Variants in CNTN2 observed in about 807,000 individuals in gnomAD.
The protein encoded by CNTN2 is contactin-2.
CNTN2 carries 53 observed loss-of-function variants against 117.5 expected under a neutral mutation model. That is an observed-to-expected ratio of 0.45 (90% CI 0.36 to 0.57). CNTN2 has a LOEUF of 0.57. Among genes scored for constraint, CNTN2 ranks in the 20% least tolerant of loss-of-function variants. CNTN2 has a pLI of 0.00. For missense variants in CNTN2, 1,106 were observed against 1,404.3 expected (o/e 0.79, Z 3.39); for synonymous variants, 530 against 561.7 (o/e 0.94, Z 0.80).
At chr1:205,066,847 A>G (rs1039816958) in intron 15 of CNTN2, among the ~76,000 whole-genome samples, 5 of 152,294 alleles carry the variant, frequency 3.3e-5, no homozygotes, top group Middle Eastern at 3.4e-3. Context: ...AAGAATTGGT[A>G]GGATTGTTAC....
chr1:205,053,326 G>T, intron 2 of CNTN2, 71 bp downstream of exon 2: 3 of 1,296,714 alleles, frequency 2.3e-6, no homozygotes, highest in Non-Finnish European at 2.1e-6. Context: ...CTATGATTTG[G>T]GTGACGATTA....
Position 205,058,099 on chromosome 1 carries a change from G to A in CNTN2, c.215+34G>A. ...TCTGCAGTGGGTGCTGGGAGGCCCTGGGCAGCCGTTGAACTTTCCCTCTCA... is the reference window on the plus strand; with the variant it reads ...TCTGCAGTGGGTGCTGGGAGGCCCTAGGCAGCCGTTGAACTTTCCCTCTCA... On this transcript the variant is annotated intron_variant, in intron 3 of 22. Coordinates refer to ENST00000331830, the MANE Select transcript of CNTN2 (RefSeq NM_005076.5). This position sits in a 1 kb window ranked among gnomAD's most constrained non-coding sequence, Gnocchi z 4.3. The A allele has an allele frequency of 6.2e-7, 1 of 1,607,686 alleles. No individual in the cohort carries two copies. Among genetic ancestry groups the A allele is most frequent in the South Asian group, 1.1e-5 (1 of 90,320 alleles).
rs376996860 is a variant in CNTN2 at position 205,062,435 on chromosome 1, C to T, written c.1111-5C>T. On this transcript the variant is annotated splice_polypyrimidine_tract_variant and splice_region_variant and intron_variant, in intron 9 of 22. Coordinates refer to ENST00000331830, the MANE Select transcript of CNTN2 (RefSeq NM_005076.5). The stretch of plus-strand genomic sequence containing the variant: ...TCCCCCTGGGCTCTGGGCTCTTCTG[C>T]ACAGAACCGGGTGGAGGTGTTGGCT... 5 of 1,611,066 alleles carry T rather than the reference C, an allele frequency of 3.1e-6. No individual in the cohort carries two copies. The Admixed American group carries it at 6.7e-5, about 22-fold the overall frequency.
intron 19 of CNTN2, among the ~76,000 whole-genome samples, 154 bp from the exon 20 acceptor site, chr1:205,071,793 G>A (rs1225067206): frequency 6.6e-6 from 1 of 152,176 alleles, no homozygotes; most frequent in Non-Finnish European, 1.5e-5. Flanking sequence ...TGGCCCTGCT[G>A]TCTGGGTGCT....
At position 205,073,377 on chromosome 1, in the gene CNTN2, A is replaced by T; in HGVS notation, c.3013+141A>T. On this transcript the variant is annotated intron_variant, in intron 22 of 22. Transcript: ENST00000331830. The surrounding 1 kb of genome is among the most constrained non-coding windows in gnomAD (Gnocchi z 6.3). ...GGCAGGCAGGAACCAAGTGCAAAGT[A>T]GTCTTAGAACTGCCTCGCCGCCACC... 1 of 1,075,014 alleles carries T rather than the reference A, an allele frequency of 9.3e-7. No individual in the cohort carries two copies. The highest frequency in any genetic ancestry group is 1.3e-6 in the Non-Finnish European group (1 of 751,942). 66.6% of individuals were successfully genotyped at this position (1,075,014 alleles called of 1,614,324 possible).
At chr1:205,070,289 C>T (rs913571982) in intron 18 of CNTN2, 137 bp from the exon 19 acceptor site, 1 of 715,160 alleles carries the variant, frequency 1.4e-6, no homozygotes, top group Non-Finnish European at 2.3e-6. Flanking sequence ...TGGAGCATTG[C>T]TTGGGGGGCT....
At chr1:205,053,283 C>G in intron 2 of CNTN2, 28 bp downstream of exon 2, 1 of 1,587,714 alleles carries the variant, frequency 6.3e-7, no homozygotes, top group Non-Finnish European at 8.6e-7. Flanking sequence ...GGCTTTGAAG[C>G]CTAGCAGGCA....
At chr1:205,062,086 C>A (rs745910523) in intron 9 of CNTN2, 85 bp downstream of exon 9, 2 of 1,504,976 alleles carry the variant, frequency 1.3e-6, no homozygotes, top group Non-Finnish European at 9.0e-7. Flanking sequence ...TTCCCCTGCA[C>A]CACTAGTAGC....
In CNTN2 at chr1:205,065,032, C is replaced by A. The variant is rs779014419; in HGVS notation, c.1520-55C>A. ...AGCCTCTCAGCCTGCCCTGCGGACC[C>A]GGCCTGGGCCCATTTCCTCCCCCAT... On this transcript the variant is annotated intron_variant, in intron 12 of 22. Transcript: ENST00000331830. This position sits in a 1 kb window ranked among gnomAD's most constrained non-coding sequence, Gnocchi z 4.1. 1 of 1,583,394 alleles carries A rather than the reference C, an allele frequency of 6.3e-7. No individual in the cohort carries two copies. The highest frequency in any genetic ancestry group is 8.6e-7 in the Non-Finnish European group (1 of 1,158,848).
In CNTN2 at chr1:205,061,190, C is replaced by A; in HGVS notation, c.798-55C>A. ...GTCTGGGTATGAGGAGCTGCGGGCA[C>A]TGGAGGGGTAGGCCCAGCTCAGCCC... On this transcript the variant is annotated intron_variant, in intron 7 of 22. Transcript: ENST00000331830. The surrounding 1 kb of genome is among the most constrained non-coding windows in gnomAD (Gnocchi z 4.8). 2 of 1,540,256 alleles carry A rather than the reference C, an allele frequency of 1.3e-6. No individual in the cohort carries two copies. The highest frequency in any genetic ancestry group is 1.2e-5 in the South Asian group (1 of 81,716).
At position 205,077,361 on chromosome 1, in the gene CNTN2, G is replaced by C. The variant is rs1237596331; in HGVS notation, c.*3596G>C. 4 of 152,268 alleles carry C rather than the reference G, an allele frequency of 2.6e-5. No individual in the cohort carries two copies. Among genetic ancestry groups the C allele is most frequent in the African/African-American group, 4.8e-5 (2 of 41,476 alleles). 9.4% of individuals were successfully genotyped at this position (152,268 alleles called of 1,614,324 possible). On this transcript the variant is annotated 3_prime_UTR_variant, in exon 23 of 23. Transcript: ENST00000331830. ...TCCCTTAATCTCTTCCCCAGCTACA[G>C]AGGAATCTTTTCTCTGCCTGGTCTC...
At chr1:205,066,861 A>C (rs1654319091) in intron 15 of CNTN2, among the ~76,000 whole-genome samples, 1 of 152,178 alleles carries the variant, frequency 6.6e-6, no homozygotes, top group Admixed American at 6.5e-5. Flanking sequence ...TTGTTACTGG[A>C]GCAATGAAAA....
chr1:205,052,446 G>T (rs1305542224), intron 1 of CNTN2, among the ~76,000 whole-genome samples: 2 of 152,224 alleles, frequency 1.3e-5, no homozygotes, highest in Non-Finnish European at 2.9e-5. Flanking sequence ...CAAGAGGGAG[G>T]CTCCTCTGGG....
rs1348778860 is a variant in CNTN2 at position 205,058,096 on chromosome 1, C to T, written c.215+31C>T. ...GCCTCTGCAGTGGGTGCTGGGAGGC[C>T]CTGGGCAGCCGTTGAACTTTCCCTC... On this transcript the variant is annotated intron_variant, in intron 3 of 22. Transcript: ENST00000331830. The surrounding 1 kb of genome is among the most constrained non-coding windows in gnomAD (Gnocchi z 4.3). 2.3e-5 allele frequency: 37 copies of T among 1,607,642 alleles called. No individual in the cohort carries two copies. Among genetic ancestry groups the T allele is most frequent in the Non-Finnish European group, 3.1e-5 (36 of 1,177,250 alleles).
chr1:205,066,684 G>T, intron 15 of CNTN2, 85 bp downstream of exon 15: 1 of 1,493,846 alleles, frequency 6.7e-7, no homozygotes, highest in South Asian at 1.3e-5. Context: ...GGGGATCGGG[G>T]TCTGAGGGCC....
intron 2 of CNTN2, among the ~76,000 whole-genome samples, chr1:205,055,344 C>T (rs1373412979): frequency 2.0e-5 from 3 of 151,998 alleles, no homozygotes; most frequent in African/African-American, 7.3e-5. Context: ...CGGGGAGGCT[C>T]ATGTGTGGGT....
chr1:205,056,772 C>T (rs1215644190), intron 2 of CNTN2, among the ~76,000 whole-genome samples: 5 of 152,142 alleles, frequency 3.3e-5, no homozygotes, highest in African/African-American at 1.2e-4. Context: ...CCACCCCAGC[C>T]CTGTCGAAGG....
chr1:205,047,264 A>G (rs990174245), intron 1 of CNTN2, among the ~76,000 whole-genome samples: 1 of 151,984 alleles, frequency 6.6e-6, no homozygotes, highest in Admixed American at 6.6e-5. Flanking sequence ...GAGACCCCTC[A>G]GTCACAATCC....
At chr1:205,067,302 A>G in intron 16 of CNTN2, 52 bp downstream of exon 16, 1 of 1,577,294 alleles carries the variant, frequency 6.3e-7, no homozygotes, top group Non-Finnish European at 8.6e-7. Context: ...AGACCCTGGC[A>G]CCACTTATAG....
Sources: allele counts gnomAD v4.1 joint callset (sites outside exome capture counted in the v4.1 genomes callset), GRCh38; gene constraint gnomAD v4.1.1; non-coding constraint Gnocchi (gnomAD v3.1); transcripts MANE v1.5; gene names NCBI Gene and HGNC (gene_info 2026-07-23, HGNC 2026-07-21).